The following MOCOS variants were observed in gnomAD, a reference collection of about 807,000 sequenced individuals.
MOCOS encodes the protein human molybdenum cofactor sulfurase.
Under a neutral mutation model 83.6 loss-of-function variants are expected in MOCOS, and 86 were observed. The observed-to-expected ratio is 1.03, with a 90% CI of 0.86 to 1.23. MOCOS has a LOEUF of 1.23. MOCOS is among the 50% of genes most tolerant of loss of function. The pLI, the probability that MOCOS is intolerant of heterozygous loss-of-function variation, is 0.00. For missense variants in MOCOS, 1,120 were observed against 1,126.9 expected, an observed-to-expected ratio of 0.99 and a Z score of 0.09; for synonymous variants, 445 against 434.7, an observed-to-expected ratio of 1.02 and a Z score of -0.29.
chr18:36,239,843 C>A (rs186081317), intron 9 of MOCOS, among the ~76,000 whole-genome samples: 270 of 152,052 alleles, frequency 1.8e-3, no homozygotes, highest in Admixed American at 4.1e-3. Context: ...TCTTTTTATT[C>A]TTTTTTCTCT....
intron 3 of MOCOS, 141 bp from the exon 4 acceptor site, chr18:36,199,542 C>T: frequency 1.5e-6 from 2 of 1,322,958 alleles, no homozygotes; most frequent in Non-Finnish European, 2.1e-6. Flanking sequence ...TTCCATTGCC[C>T]TCGCCCTAAT....
At chr18:36,210,074 C>T (rs925577377) in intron 6 of MOCOS, among the ~76,000 whole-genome samples, 7 of 152,232 alleles carry the variant, frequency 4.6e-5, no homozygotes, top group Admixed American at 6.5e-5. Context: ...TGTCTATGTT[C>T]ATCATAGGTA....
At chr18:36,242,925 G>A (rs1224577542) in intron 9 of MOCOS, among the ~76,000 whole-genome samples, 1 of 152,112 alleles carries the variant, frequency 6.6e-6, no homozygotes, top group Non-Finnish European at 1.5e-5. Context: ...GTTTCCATTT[G>A]TTTGTGTCAT....
chr18:36,250,134 C>A (rs1161646246), intron 10 of MOCOS, among the ~76,000 whole-genome samples: 1 of 152,112 alleles, frequency 6.6e-6, no homozygotes, highest in African/African-American at 2.4e-5. Context: ...CAACCAATTC[C>A]CCTTTCACCC....
intron 12 of MOCOS, 66 bp downstream of exon 12, chr18:36,257,139 C>A: frequency 7.4e-7 from 1 of 1,359,368 alleles, no homozygotes; most frequent in Non-Finnish European, 1.1e-6. Flanking sequence ...CAGGGCCTGG[C>A]ACCTGCCTGG....
In MOCOS at chr18:36,200,320, C is replaced by A; in HGVS notation, c.937C>A (p.Gln313Lys). The A allele has an allele frequency of 6.2e-7, 1 of 1,613,972 alleles. No homozygotes were observed. Among genetic ancestry groups the A allele is most frequent in the South Asian group, 1.1e-5 (1 of 91,066 alleles). ...DFYIPRQSVA[Q>K]RFEDGTISFL... ...CTACATCCCGAGGCAGTCGGTAGCT[C>A]AGAGGTAACCTTGCCACAGGGGAGG... Residue 313 changes from glutamine to lysine, a missense_variant, in exon 4 of 15, where the codon CAG (glutamine) becomes AAG (lysine). Transcript: ENST00000261326.
intron 2 of MOCOS, among the ~76,000 whole-genome samples, chr18:36,198,402 T>C (rs1192320711): frequency 6.6e-6 from 1 of 152,150 alleles, no homozygotes; most frequent in Non-Finnish European, 1.5e-5. Flanking sequence ...CCAAATCACT[T>C]TTTATTTTAT....
chr18:36,234,007 T>A (rs75941625), intron 9 of MOCOS, among the ~76,000 whole-genome samples: 2,799 of 152,344 alleles, frequency 0.018, 88 homozygotes, highest in African/African-American at 0.064. Flanking sequence ...TTTCTGGGTA[T>A]TTCTTTTGCT....
chr18:36,232,141 T>G (rs1176386815), intron 9 of MOCOS, among the ~76,000 whole-genome samples: 1 of 152,200 alleles, frequency 6.6e-6, no homozygotes, highest in East Asian at 1.9e-4. Flanking sequence ...ATCCAGCTAA[T>G]TTTTGATATT....
chr18:36,239,838 T>C (rs546004112), intron 9 of MOCOS, among the ~76,000 whole-genome samples: 1 of 152,120 alleles, frequency 6.6e-6, no homozygotes, highest in South Asian at 2.1e-4. Flanking sequence ...TCGTTTCTTT[T>C]TATTCTTTTT....
chr18:36,203,977 G>A (rs992560628), intron 5 of MOCOS, among the ~76,000 whole-genome samples: 2 of 152,132 alleles, frequency 1.3e-5, no homozygotes, highest in African/African-American at 2.4e-5. Context: ...CAGGTAGCTC[G>A]GAATGCAAAG....
chr18:36,234,544 T>C (rs2091550346), intron 9 of MOCOS, among the ~76,000 whole-genome samples: 2 of 152,194 alleles, frequency 1.3e-5, no homozygotes, highest in South Asian at 4.1e-4. Flanking sequence ...GATTTTAGGA[T>C]CATTTTTTCC....
chr18:36,239,049 C>T (rs1300682587), intron 9 of MOCOS, among the ~76,000 whole-genome samples: 1 of 150,870 alleles, frequency 6.6e-6, no homozygotes, highest in African/African-American at 2.4e-5. Context: ...AGATGGGTTT[C>T]CTGAATACAG....
At chr18:36,227,139 T>A (rs1295554956) in intron 9 of MOCOS, among the ~76,000 whole-genome samples, 4 of 152,106 alleles carry the variant, frequency 2.6e-5, no homozygotes, top group Non-Finnish European at 4.4e-5. Context: ...CTTGAACTCC[T>A]GAACTTAAGC....
chr18:36,189,260 G>A (rs2091355668), intron 1 of MOCOS, among the ~76,000 whole-genome samples: 1 of 152,132 alleles, frequency 6.6e-6, no homozygotes, highest in South Asian at 2.1e-4. Context: ...AGCCAGGCTG[G>A]CCCTCAGAAC....
intron 2 of MOCOS, among the ~76,000 whole-genome samples, 164 bp downstream of exon 2, chr18:36,195,510 T>G (rs1330775103): frequency 6.6e-6 from 1 of 152,190 alleles, no homozygotes; most frequent in Non-Finnish European, 1.5e-5. Flanking sequence ...CATTCTGTAC[T>G]GTAAACATGT....
chr18:36,228,457 A>G (rs2091525990), intron 9 of MOCOS, among the ~76,000 whole-genome samples: 1 of 152,222 alleles, frequency 6.6e-6, no homozygotes. Context: ...TAGACTGGAT[A>G]AAGAAAATGT....
At chr18:36,189,117 G>A (rs554381121) in intron 1 of MOCOS, among the ~76,000 whole-genome samples, 2 of 151,886 alleles carry the variant, frequency 1.3e-5, no homozygotes, top group East Asian at 1.9e-4. Context: ...GATCTCTCAC[G>A]CCCACTATTG....
At chr18:36,243,918 T>G (rs374193695) in intron 9 of MOCOS, among the ~76,000 whole-genome samples, 18 of 152,292 alleles carry the variant, frequency 1.2e-4, no homozygotes, top group African/African-American at 3.4e-4. Flanking sequence ...GTGTTCATAG[T>G]TGCCTTGAAT....
Sources: gnomAD v4.1 joint callset for allele counts (sites outside exome capture counted in the v4.1 genomes callset) on GRCh38, gnomAD v4.1.1 for gene constraint, MANE v1.5 for transcripts, NCBI Gene and HGNC (gene_info 2026-07-23, HGNC 2026-07-21) for gene names.